CALN1: variants seen among roughly 807,000 people sequenced by gnomAD.
CALN1 encodes calneuron 1.
In CALN1, 17 loss-of-function variants were observed where a neutral mutation model predicts 30.6. The ratio of observed to expected loss-of-function variants is 0.56; its 90% CI spans 0.38 to 0.83. The LOEUF (loss-of-function observed/expected upper bound fraction) is 0.83, where lower values mean the gene tolerates loss of function less well. Among genes scored for constraint, CALN1 ranks in the 40% least tolerant of loss-of-function variants. CALN1 has a pLI of 0.00. For missense variants in CALN1, 291 were observed against 354.9 expected, an observed-to-expected ratio of 0.82 and a Z score of 1.45; for synonymous variants, 156 against 131.4, an observed-to-expected ratio of 1.19 and a Z score of -1.28.
At chr7:71,998,755 C>A (rs1309022523) in intron 5 of CALN1, among the ~76,000 whole-genome samples, 1 of 151,996 alleles carries the variant, frequency 6.6e-6, no homozygotes, top group Non-Finnish European at 1.5e-5. Context: ...TGAGGTTTCA[C>A]CATGTTGCCC....
chr7:71,980,566 A>G (rs1179633823), intron 5 of CALN1, among the ~76,000 whole-genome samples: 2 of 152,162 alleles, frequency 1.3e-5, no homozygotes, highest in Non-Finnish European at 2.9e-5. Context: ...AATACTTTAA[A>G]TGGTTCTTAT....
At chr7:71,965,429 C>T (rs1223349634) in intron 5 of CALN1, among the ~76,000 whole-genome samples, 1 of 152,134 alleles carries the variant, frequency 6.6e-6, no homozygotes, top group Non-Finnish European at 1.5e-5. Context: ...AAGGTGCCAA[C>T]CTTCTGTAAG....
At chr7:71,980,729 A>C (rs1195457200) in intron 5 of CALN1, among the ~76,000 whole-genome samples, 4 of 152,124 alleles carry the variant, frequency 2.6e-5, no homozygotes, top group African/African-American at 9.7e-5. Context: ...TAGGCCAAAA[A>C]CGGAACCCAA....
chr7:72,346,246 G>A (rs559780084), intron 2 of CALN1, among the ~76,000 whole-genome samples: 6 of 152,200 alleles, frequency 3.9e-5, no homozygotes, highest in Admixed American at 6.5e-5. Context: ...GGTCAATTGC[G>A]CAAAATGGTG....
intron 3 of CALN1, among the ~76,000 whole-genome samples, chr7:72,140,013 G>A (rs936940032): frequency 6.6e-6 from 1 of 152,036 alleles, no homozygotes; most frequent in Non-Finnish European, 1.5e-5. Context: ...GAAGTGTCCT[G>A]TAATCTCAGC....
At chr7:72,487,911 AAAGAAAG>A in the CALN1 span, among the ~76,000 whole-genome samples, 4 of 98,780 alleles carry the variant, frequency 4.0e-5, no homozygotes, top group Non-Finnish European at 6.1e-5. Flanking sequence ...AGAAAGAAAG[AAAGAAAG>A]AAGGAAGGAA....
chr7:72,060,867 C>A (rs141141135), intron 4 of CALN1, among the ~76,000 whole-genome samples: 1 of 152,194 alleles, frequency 6.6e-6, no homozygotes, highest in African/African-American at 2.4e-5. Context: ...GTGGGTGTCA[C>A]GCTTCTTGTA....
intron 3 of CALN1, among the ~76,000 whole-genome samples, chr7:72,261,027 G>A (rs373046077): frequency 6.6e-6 from 1 of 152,188 alleles, no homozygotes; most frequent in African/African-American, 2.4e-5. Flanking sequence ...CTATCAGTAG[G>A]CTGGGCACGG....
intron 3 of CALN1, among the ~76,000 whole-genome samples, chr7:72,170,112 C>A (rs1788833302): frequency 6.6e-6 from 1 of 152,182 alleles, no homozygotes; most frequent in Non-Finnish European, 1.5e-5. Context: ...AATCCTCCCT[C>A]CCAAGTAACT....
At chr7:72,410,864 G>A (rs1807081488) in intron 1 of CALN1, among the ~76,000 whole-genome samples, 1 of 152,056 alleles carries the variant, frequency 6.6e-6, no homozygotes, top group South Asian at 2.1e-4. Flanking sequence ...AAAATACAAG[G>A]ATGTTTACTA....
At chr7:71,907,953 C>T (rs781451095) in intron 5 of CALN1, among the ~76,000 whole-genome samples, 32 of 152,182 alleles carry the variant, frequency 2.1e-4, no homozygotes, top group Admixed American at 1.4e-3. Flanking sequence ...TGCGTGTGTG[C>T]GCGTGGACAT....
At chr7:72,314,981 C>CA (rs530371351) in intron 2 of CALN1, among the ~76,000 whole-genome samples, 4,633 of 105,338 alleles carry the variant, frequency 0.044, 152 homozygotes, top group African/African-American at 0.088. Flanking sequence ...CCCATCTCTA[C>CA]AAAAAAAAAA....
At chr7:71,985,972 A>T (rs1798651185) in intron 5 of CALN1, among the ~76,000 whole-genome samples, 2 of 152,158 alleles carry the variant, frequency 1.3e-5, no homozygotes, top group Non-Finnish European at 2.9e-5. Context: ...ATGAGACTGG[A>T]TGTATTGATG....
At chr7:72,205,384 T>C (rs1009716985) in intron 3 of CALN1, among the ~76,000 whole-genome samples, 3 of 150,536 alleles carry the variant, frequency 2.0e-5, no homozygotes, top group South Asian at 2.1e-4. Flanking sequence ...GTATTTTTAG[T>C]AGAGACAGGG....
intron 2 of CALN1, among the ~76,000 whole-genome samples, chr7:72,397,867 T>C (rs1806084047): frequency 6.6e-6 from 1 of 152,132 alleles, no homozygotes; most frequent in Non-Finnish European, 1.5e-5. Context: ...TGCCTAGCCC[T>C]TCCATTATAA....
the CALN1 span, among the ~76,000 whole-genome samples, chr7:72,495,707 G>A: frequency 6.6e-6 from 1 of 152,162 alleles, no homozygotes; most frequent in East Asian, 1.9e-4. Flanking sequence ...CTATAAAGTT[G>A]CTTGGAATCT....
chr7:71,982,098 C>T (rs1226773697), intron 5 of CALN1, among the ~76,000 whole-genome samples: 1 of 152,046 alleles, frequency 6.6e-6, no homozygotes, highest in African/African-American at 2.4e-5. Context: ...ATGTGATTAT[C>T]GACTGGCTGT....
At chr7:72,442,817 T>C (rs1197707344) in intron 1 of CALN1, among the ~76,000 whole-genome samples, 1 of 152,198 alleles carries the variant, frequency 6.6e-6, no homozygotes, top group Non-Finnish European at 1.5e-5. Flanking sequence ...AGAATTGCAC[T>C]TTGTTAAGGG....
At chr7:72,196,110 TTTTC>T (rs1790976285) in intron 3 of CALN1, among the ~76,000 whole-genome samples, 1 of 150,644 alleles carries the variant, frequency 6.6e-6, no homozygotes, top group African/African-American at 2.4e-5. Flanking sequence ...TTAAGTTTCT[TTTTC>T]TTTTCTTTTT....
Sources: allele counts gnomAD v4.1 joint callset (sites outside exome capture counted in the v4.1 genomes callset), GRCh38; gene constraint gnomAD v4.1.1; transcripts MANE v1.5; gene names NCBI Gene and HGNC (gene_info 2026-07-23, HGNC 2026-07-21).